The following LUZP2 variants were observed in gnomAD, a reference collection of about 807,000 sequenced individuals.
The protein encoded by LUZP2 is leucine zipper protein 2.
In LUZP2, 52 loss-of-function variants were observed where a neutral mutation model predicts 51.6. The ratio of observed to expected loss-of-function variants is 1.01; its 90% CI spans 0.81 to 1.27. LUZP2 has a LOEUF of 1.27. Ranked by LOEUF, LUZP2 falls within the 50% of genes most tolerant of loss-of-function variation. The pLI is 0.00. For missense variants in LUZP2, 436 were observed against 395.4 expected (o/e 1.10, Z -0.87); for synonymous variants, 154 against 137.3 (o/e 1.12, Z -0.85).
At chr11:25,011,565 T>A (rs1856985168) in intron 9 of LUZP2, among the ~76,000 whole-genome samples, 2 of 152,152 alleles carry the variant, frequency 1.3e-5, no homozygotes, top group Admixed American at 1.3e-4. Flanking sequence ...ATAGGGTATG[T>A]AAAATATTCT....
At chr11:24,627,885 C>T (rs1164106000) in intron 1 of LUZP2, among the ~76,000 whole-genome samples, 1 of 152,154 alleles carries the variant, frequency 6.6e-6, no homozygotes, top group African/African-American at 2.4e-5. Flanking sequence ...AATGACACCC[C>T]TCCCTTCAAT....
intron 9 of LUZP2, among the ~76,000 whole-genome samples, chr11:25,006,798 G>A (rs534453058): frequency 3.9e-5 from 6 of 152,072 alleles, no homozygotes; most frequent in Non-Finnish European, 7.4e-5. Flanking sequence ...ATGTGGTGAC[G>A]GTTACAGCTC....
At chr11:24,783,778 G>A (rs1374408829) in intron 5 of LUZP2, among the ~76,000 whole-genome samples, 3 of 151,892 alleles carry the variant, frequency 2.0e-5, no homozygotes, top group African/African-American at 7.2e-5. Flanking sequence ...GTTGAGGAGG[G>A]GAAGGAGTAC....
chr11:24,618,749 A>G (rs896103941), intron 1 of LUZP2, among the ~76,000 whole-genome samples: 1 of 152,082 alleles, frequency 6.6e-6, no homozygotes, highest in Non-Finnish European at 1.5e-5. Flanking sequence ...TGTTTGTTTT[A>G]TATATAATGG....
At chr11:24,614,919 C>A (rs1176505595) in intron 1 of LUZP2, among the ~76,000 whole-genome samples, 1 of 151,880 alleles carries the variant, frequency 6.6e-6, no homozygotes, top group Non-Finnish European at 1.5e-5. Context: ...GCATCCAGAA[C>A]AGTGTTAATG....
chr11:24,499,226 T>G (rs2133743991), intron 1 of LUZP2, among the ~76,000 whole-genome samples: 1 of 152,320 alleles, frequency 6.6e-6, no homozygotes, highest in Non-Finnish European at 1.5e-5. Context: ...GATGAAATAT[T>G]TATAATAAGT....
intron 5 of LUZP2, among the ~76,000 whole-genome samples, chr11:24,763,528 C>A (rs1860062384): frequency 6.6e-6 from 1 of 151,984 alleles, no homozygotes; most frequent in Admixed American, 6.6e-5. Flanking sequence ...TTCTCTAGTT[C>A]ATTTTTCTTT....
chr11:24,774,354 CTCTCTCTCTATA>C (rs1358570089), intron 5 of LUZP2, among the ~76,000 whole-genome samples: 2 of 82,638 alleles, frequency 2.4e-5, no homozygotes, highest in Non-Finnish European at 4.7e-5. Flanking sequence ...CTCTCTCTCT[CTCTCTCTCTATA>C]TATATATATA....
At chr11:24,614,592 A>G (rs1214037676) in intron 1 of LUZP2, among the ~76,000 whole-genome samples, 3 of 151,928 alleles carry the variant, frequency 2.0e-5, no homozygotes, top group African/African-American at 4.8e-5. Context: ...TCTCTCTATT[A>G]TAGCCACAGT....
intron 7 of LUZP2, among the ~76,000 whole-genome samples, chr11:24,919,673 T>C (rs1417679924): frequency 6.7e-6 from 1 of 149,446 alleles, no homozygotes; most frequent in Non-Finnish European, 1.5e-5. Context: ...TACATATATA[T>C]ATAATGATTT....
chr11:24,582,691 C>G (rs1199596201), intron 1 of LUZP2, among the ~76,000 whole-genome samples: 1 of 152,060 alleles, frequency 6.6e-6, no homozygotes, highest in African/African-American at 2.4e-5. Context: ...AAATGTGCAA[C>G]TATCACTCAT....
At chr11:25,015,834 C>T (rs1419436200) in intron 9 of LUZP2, among the ~76,000 whole-genome samples, 1 of 149,390 alleles carries the variant, frequency 6.7e-6, no homozygotes, top group Non-Finnish European at 1.5e-5. Context: ...ACTTCAATAG[C>T]TTTAGGGGTA....
chr11:25,007,734 T>A, intron 9 of LUZP2, among the ~76,000 whole-genome samples: 1 of 152,190 alleles, frequency 6.6e-6, no homozygotes, highest in Non-Finnish European at 1.5e-5. Context: ...ATACCCAGAT[T>A]GTTTAATTAG....
intron 1 of LUZP2, among the ~76,000 whole-genome samples, chr11:24,709,778 G>T (rs1286632520): frequency 1.3e-5 from 2 of 152,000 alleles, no homozygotes; most frequent in Non-Finnish European, 2.9e-5. Flanking sequence ...TTGTATTGGG[G>T]CCTCAAAAGC....
At chr11:24,849,796 T>C (rs1851329438) in intron 5 of LUZP2, among the ~76,000 whole-genome samples, 2 of 152,214 alleles carry the variant, frequency 1.3e-5, no homozygotes, top group South Asian at 4.1e-4. Flanking sequence ...TGTTGTTTCC[T>C]GACATTTTAA....
chr11:24,840,233 A>G (rs1268132964), intron 5 of LUZP2, among the ~76,000 whole-genome samples: 1 of 151,748 alleles, frequency 6.6e-6, no homozygotes, highest in Non-Finnish European at 1.5e-5. Context: ...TTATGTCTAT[A>G]CCTTCCACGC....
At chr11:24,588,793 T>C (rs1320485671) in intron 1 of LUZP2, among the ~76,000 whole-genome samples, 1 of 152,066 alleles carries the variant, frequency 6.6e-6, no homozygotes, top group Admixed American at 6.6e-5. Context: ...ACTACTCTTA[T>C]AGATGAAAAA....
chr11:24,739,047 C>T (rs1403235331), intron 4 of LUZP2, among the ~76,000 whole-genome samples: 1 of 152,078 alleles, frequency 6.6e-6, no homozygotes, highest in African/African-American at 2.4e-5. Flanking sequence ...GTAAGGTCAA[C>T]AGATCAGGAA....
Position 24,914,456 on chromosome 11 carries a change from T to C in LUZP2, c.460-20T>C, listed in dbSNP as rs1428892969. 1 of 1,563,862 alleles carries C rather than the reference T, an allele frequency of 6.4e-7. No homozygotes were observed. The highest frequency in any genetic ancestry group is 8.8e-7 in the Non-Finnish European group (1 of 1,141,254). ...AAATATAAATGAGTTACACAACTTATCCATGTTTTTGCCTTACAGTCAAAA... is the reference window on the plus strand; with the variant it reads ...AAATATAAATGAGTTACACAACTTACCCATGTTTTTGCCTTACAGTCAAAA... On this transcript the variant is annotated intron_variant, in intron 6 of 11. Transcript: ENST00000336930.
Sources: gnomAD v4.1 joint callset for allele counts (sites outside exome capture counted in the v4.1 genomes callset) on GRCh38, gnomAD v4.1.1 for gene constraint, MANE v1.5 for transcripts, NCBI Gene and HGNC (gene_info 2026-07-23, HGNC 2026-07-21) for gene names.